STPG1: variants seen among roughly 807,000 people sequenced by gnomAD.
STPG1 encodes O(6)-methylguanine-induced apoptosis 2.
Under a neutral mutation model 40.1 loss-of-function variants are expected in STPG1, and 33 were observed. That is an observed-to-expected ratio of 0.82 (90% CI 0.62 to 1.10). STPG1 has a LOEUF of 1.10. Ranked by LOEUF, STPG1 falls within the 50% of genes least tolerant of loss-of-function variation. The pLI is 0.00. For synonymous variants in STPG1, 150 were observed against 155.0 expected (o/e 0.97, Z 0.24); for missense variants, 396 against 415.1 (o/e 0.95, Z 0.40).
chr1:24,391,862 G>A (rs1366262748), intron 2 of STPG1, 183 bp from the exon 3 acceptor site: 17 of 1,321,488 alleles, frequency 1.3e-5, no homozygotes, highest in Admixed American at 3.6e-5. Context: ...TTCCCTCTCG[G>A]CAATTTATCG....
At chr1:24,369,078 G>A in intron 7 of STPG1, 1 of 255,002 alleles carries the variant, frequency 3.9e-6, no homozygotes, top group East Asian at 1.1e-4. Flanking sequence ...ATGAGGGCAT[G>A]GAGGCTCAGA....
chr1:24,410,849 C>T (rs1455431522), intron 1 of STPG1: 4 of 151,990 alleles, frequency 2.6e-5, no homozygotes, highest in South Asian at 4.1e-4. Context: ...ATACCACTTT[C>T]CGAATCAACA....
intron 1 of STPG1, among the ~76,000 whole-genome samples, chr1:24,412,211 C>T (rs1175779803): frequency 6.6e-6 from 1 of 152,198 alleles, no homozygotes. Context: ...AGTTGTCGTG[C>T]CCCACCACCT....
chr1:24,400,269 T>C (rs1643168856), intron 2 of STPG1, among the ~76,000 whole-genome samples: 1 of 152,242 alleles, frequency 6.6e-6, no homozygotes, highest in African/African-American at 2.4e-5. Flanking sequence ...GCTCATATTG[T>C]ATGATTCACA....
At chr1:24,410,221 A>G (rs1373523518) in intron 1 of STPG1, among the ~76,000 whole-genome samples, 11 of 152,238 alleles carry the variant, frequency 7.2e-5, no homozygotes, top group Non-Finnish European at 1.6e-4. Context: ...CTTGGAACAT[A>G]TCCCCCTTGA....
chr1:24,401,518 G>C (rs1643227879), intron 1 of STPG1, 62 bp from the exon 2 acceptor site: 1 of 765,724 alleles, frequency 1.3e-6, no homozygotes, highest in African/African-American at 1.7e-5. Flanking sequence ...ATTGCAAATG[G>C]GTTCTGTTCT....
intron 7 of STPG1, among the ~76,000 whole-genome samples, chr1:24,363,407 T>C (rs1476145738): frequency 4.6e-5 from 7 of 152,178 alleles, no homozygotes; most frequent in Admixed American, 4.6e-4. Flanking sequence ...TTGAGTGTCC[T>C]TAAGGGCTTG....
chr1:24,358,029 T>TTACC lies in STPG1; in HGVS notation c.*513_*514insGGTA. The TTACC allele has an allele frequency of 2.8e-6, 1 of 356,094 alleles. No individual in the cohort carries two copies. The highest frequency in any genetic ancestry group is 5.6e-6 in the Non-Finnish European group (1 of 179,502). The allele number at this position is 356,094 out of a possible 1,614,324, so 22.1% of individuals were successfully genotyped here. ...GGAAAAAGCATCACCTGCCTGCAGG[T>TTACC]AGCTTTCGCCCAGTAGACATACCGT... On this transcript the variant is annotated 3_prime_UTR_variant, in exon 9 of 9. Coordinates refer to ENST00000337248, the MANE Select transcript of STPG1 (RefSeq NM_001199013.2).
At chr1:24,406,437 A>G (rs1643419231) in intron 1 of STPG1, among the ~76,000 whole-genome samples, 1 of 152,088 alleles carries the variant, frequency 6.6e-6, no homozygotes, top group Admixed American at 6.5e-5. Flanking sequence ...AATAAGAAAA[A>G]AGTATTTTAT....
Position 24,379,673 on chromosome 1 carries a change from G to C in STPG1, c.442C>G (p.Pro148Ala). ...CTTACATTGTAATAGTTTGGTGCAG[G>C]AGTTTCAAACTTGAGAGCTTTCATA... ...SFMKALKFET[P>A]APNYYNASVS... Residue 148 changes from proline (P) to alanine (A), a missense_variant, in exon 5 of 9, where the codon CCT (proline) becomes GCT (alanine). By Grantham distance (27) the Pro-to-Ala change is conservative (BLOSUM62 -1). Coordinates refer to ENST00000337248, the MANE Select transcript of STPG1 (RefSeq NM_001199013.2). 6.2e-7 allele frequency: 1 copy of C among 1,614,152 alleles called. No homozygotes were observed. Among genetic ancestry groups the C allele is most frequent in the South Asian group, 1.1e-5 (1 of 91,084 alleles).
intron 1 of STPG1, among the ~76,000 whole-genome samples, chr1:24,407,476 C>G (rs1298342988): frequency 7.0e-6 from 1 of 143,612 alleles, no homozygotes; most frequent in African/African-American, 2.6e-5. Context: ...GAGTCCCGCT[C>G]TGTCACCCAG....
At chr1:24,404,461 G>GT (rs1265133047) in intron 1 of STPG1, among the ~76,000 whole-genome samples, 1 of 152,086 alleles carries the variant, frequency 6.6e-6, no homozygotes, top group East Asian at 1.9e-4. Flanking sequence ...GTTGGAAGGT[G>GT]TTTTTTTCTC....
At chr1:24,400,338 C>T (rs777387367) in intron 2 of STPG1, among the ~76,000 whole-genome samples, 3 of 152,082 alleles carry the variant, frequency 2.0e-5, no homozygotes, top group Non-Finnish European at 2.9e-5. Context: ...TCAGGATAAC[C>T]GTAGTGTTTA....
chr1:24,360,652 T>C lies in STPG1; in HGVS notation c.928+199A>G, dbSNP rs144891605. The stretch of plus-strand genomic sequence containing the variant: ...CAGTATGAATCCCTGGCCTGGACCA[T>C]CTCTAAGAGCCCTTTCACCTTAAAA... On this transcript the variant is annotated intron_variant, in intron 8 of 8. Transcript: ENST00000337248. 9.8e-4 allele frequency among the ~76,000 whole-genome samples: 150 copies of C among 152,296 alleles called. No individual in the cohort carries two copies. Among genetic ancestry groups the C allele is most frequent in the African/African-American group, 3.4e-3 (143 of 41,562 alleles).
At chr1:24,411,014 A>G (rs1643600948) in intron 1 of STPG1, among the ~76,000 whole-genome samples, 2 of 152,176 alleles carry the variant, frequency 1.3e-5, no homozygotes, top group Non-Finnish European at 2.9e-5. Context: ...ACTGGGAGTG[A>G]TAACAGTACC....
intron 6 of STPG1, among the ~76,000 whole-genome samples, chr1:24,371,242 T>C (rs1048933410): frequency 6.6e-6 from 1 of 152,154 alleles, no homozygotes; most frequent in South Asian, 2.1e-4. Context: ...GAATATACTA[T>C]ATATTTATTT....
intron 2 of STPG1, among the ~76,000 whole-genome samples, chr1:24,398,004 T>G (rs1643076051): frequency 1.3e-5 from 2 of 152,174 alleles, no homozygotes; most frequent in Non-Finnish European, 2.9e-5. Context: ...TTTAAAAAAC[T>G]GTCAAACTAT....
chr1:24,358,596 C>T lies in STPG1; in HGVS notation c.952G>A (p.Gly318Arg). The change falls in exon 9 of 9, where the codon GGA becomes AGA. Residue 318 changes from glycine to arginine, a missense_variant. Gly to Arg is a moderately radical substitution (Grantham distance 125). Coordinates refer to ENST00000337248, the MANE Select transcript of STPG1 (RefSeq NM_001199013.2). ...GPATYKPELP[G>R]KQSFLYNEDK... ...TCGTTGTAGAGGAAGGACTGCTTTC[C>T]TGGAAGCTCTGGCTTGTACGTAGCT... 1.2e-6 allele frequency: 2 copies of T among 1,614,048 alleles called. No individual in the cohort carries two copies. The highest frequency in any genetic ancestry group is 2.7e-5 in the African/African-American group (2 of 75,036).
chr1:24,392,957 C>CT (rs1187485151), intron 2 of STPG1, among the ~76,000 whole-genome samples: 6 of 152,152 alleles, frequency 3.9e-5, no homozygotes, highest in Admixed American at 2.0e-4. Flanking sequence ...TTCTTCATCT[C>CT]TGAATTTTTT....
Sources: allele counts gnomAD v4.1 joint callset (sites outside exome capture counted in the v4.1 genomes callset), GRCh38; gene constraint gnomAD v4.1.1; transcripts MANE v1.5; gene names NCBI Gene and HGNC (gene_info 2026-07-23, HGNC 2026-07-21).